The following GRIK2 variants were observed in gnomAD, a reference collection of about 807,000 sequenced individuals.
GRIK2 encodes glutamate receptor ionotropic, kainate 2.
In GRIK2, 32 loss-of-function variants were observed where a neutral mutation model predicts 100.3. The ratio of observed to expected loss-of-function variants is 0.32; its 90% confidence interval spans 0.24 to 0.43. GRIK2 has a LOEUF of 0.43. Among genes scored for constraint, GRIK2 ranks in the 20% least tolerant of loss-of-function variants. GRIK2 has a pLI of 1.00. For synonymous variants in GRIK2, 417 were observed against 389.4 expected (o/e 1.07, Z -0.83); for missense variants, 843 against 1,114.9 (o/e 0.76, Z 3.47).
chr6:101,853,393 C>T (rs372721028), intron 10 of GRIK2, among the ~76,000 whole-genome samples: 2 of 152,048 alleles, frequency 1.3e-5, no homozygotes, highest in Non-Finnish European at 2.9e-5. Flanking sequence ...GAGACATCAC[C>T]GTATACCCTC....
chr6:101,762,864 A>G (rs1051879127), intron 7 of GRIK2, among the ~76,000 whole-genome samples: 3 of 152,212 alleles, frequency 2.0e-5, no homozygotes, highest in African/African-American at 7.2e-5. Flanking sequence ...TCAAAGTATA[A>G]TATTTTCAGT....
At chr6:101,494,600 A>G (rs545036243) in intron 2 of GRIK2, among the ~76,000 whole-genome samples, 1 of 152,104 alleles carries the variant, frequency 6.6e-6, no homozygotes, top group African/African-American at 2.4e-5. Flanking sequence ...TAAATATTAT[A>G]CATCTTAATA....
chr6:101,701,451 A>G (rs1223849789), intron 7 of GRIK2, among the ~76,000 whole-genome samples: 1 of 152,068 alleles, frequency 6.6e-6, no homozygotes. Flanking sequence ...ACTCTTGCTA[A>G]TGTTGTCTAT....
At chr6:101,927,724 A>T (rs775546095) in intron 13 of GRIK2, 6 of 152,098 alleles carry the variant, frequency 3.9e-5, no homozygotes, top group South Asian at 2.1e-4. Context: ...TAAAAGATTT[A>T]TATATGTATA....
At chr6:101,525,544 G>GT (rs1156649388) in intron 2 of GRIK2, among the ~76,000 whole-genome samples, 1 of 152,170 alleles carries the variant, frequency 6.6e-6, no homozygotes. Context: ...TAGGATCTTA[G>GT]TTAACAATTC....
intron 7 of GRIK2, among the ~76,000 whole-genome samples, chr6:101,759,160 A>G (rs1426696230): frequency 6.6e-6 from 1 of 152,172 alleles, no homozygotes; most frequent in African/African-American, 2.4e-5. Context: ...GATTGATTCC[A>G]TTGGAGCTTT....
chr6:101,773,256 G>GGATC (rs1366122788), intron 7 of GRIK2, among the ~76,000 whole-genome samples: 1 of 152,038 alleles, frequency 6.6e-6, no homozygotes, highest in African/African-American at 2.4e-5. Context: ...CGAGGCGGGC[G>GGATC]GATCACGAGG....
intron 14 of GRIK2, among the ~76,000 whole-genome samples, chr6:101,987,820 A>C (rs915265697): frequency 6.6e-6 from 1 of 151,476 alleles, no homozygotes; most frequent in Admixed American, 6.6e-5. Context: ...CTCTGTTTCT[A>C]ACAGATTTAA....
rs953250765 is a variant in GRIK2 at position 101,733,828 on chromosome 6, C to T, written c.951+47475C>T. 5.6e-5 allele frequency among the ~76,000 whole-genome samples: 8 copies of T among 142,594 alleles called. No homozygotes were observed. The East Asian group carries it at 6.3e-4, about 11-fold the overall frequency. 93.5% of individuals were successfully genotyped at this position (142,594 alleles called of 152,430 possible). ...CAGCTAATTATCTAGTTTCATTGTTCGTAGTCCTTCCTTCCACAAGACACT... is the reference window on the plus strand; with the variant it reads ...CAGCTAATTATCTAGTTTCATTGTTTGTAGTCCTTCCTTCCACAAGACACT... On this transcript the variant is annotated intron_variant, in intron 7 of 16. Coordinates refer to ENST00000369134, the MANE Select transcript of GRIK2 (RefSeq NM_021956.5).
At chr6:101,820,917 A>AT (rs1376199079) in intron 10 of GRIK2, among the ~76,000 whole-genome samples, 1 of 152,106 alleles carries the variant, frequency 6.6e-6, no homozygotes, top group Non-Finnish European at 1.5e-5. Context: ...TGGCATTATC[A>AT]TTTTTTTAAT....
At chr6:101,895,982 G>GA (rs1787412667) in intron 12 of GRIK2, among the ~76,000 whole-genome samples, 1 of 151,708 alleles carries the variant, frequency 6.6e-6, no homozygotes, top group Non-Finnish European at 1.5e-5. Flanking sequence ...AAACATTGAT[G>GA]AAAATTAGAT....
Position 101,556,671 on chromosome 6 carries a change from A to G in GRIK2, c.116-65278A>G, listed in dbSNP as rs564762477. ...TGTTTTACACACAGCAGATTGTTTT[A>G]TCCTCATAACAAACCTGTGAGATTG... On this transcript the variant is annotated intron_variant, in intron 2 of 16. Transcript: ENST00000369134. Among the ~76,000 whole-genome samples, 213 of 152,252 alleles carry G rather than the reference A, an allele frequency of 1.4e-3. 1 individual carries two copies. Among genetic ancestry groups the G allele is most frequent in the African/African-American group, 4.6e-3 (193 of 41,548 alleles).
rs572268896 is a variant in GRIK2, at chr6:102,065,328, A to G, written c.2563-3019A>G. Among the ~76,000 whole-genome samples, 108 of 151,244 alleles carry G rather than the reference A, an allele frequency of 7.1e-4. 1 individual carries two copies. Among genetic ancestry groups the G allele is most frequent in the Non-Finnish European group, 3.0e-4 (20 of 67,468 alleles). On this transcript the variant is annotated intron_variant, in intron 16 of 16. Coordinates refer to ENST00000369134, the MANE Select transcript of GRIK2 (RefSeq NM_021956.5). ...GGGCTTTTTTCAATTTACATTATCT[A>G]TTACTCAGCAATATAAACTTAATAT...
At chr6:101,666,446 A>T (rs190258355) in intron 4 of GRIK2, among the ~76,000 whole-genome samples, 4 of 152,152 alleles carry the variant, frequency 2.6e-5, no homozygotes, top group Non-Finnish European at 4.4e-5. Context: ...GTAGTCTCCA[A>T]CCCCTCCAGA....
chr6:101,631,727 AT>A (rs894622410), intron 4 of GRIK2, among the ~76,000 whole-genome samples: 1 of 151,782 alleles, frequency 6.6e-6, no homozygotes, highest in East Asian at 1.9e-4. Context: ...CAAATCTTTT[AT>A]TTTTTTCCTA....
chr6:102,001,369 C>G (rs1044503712), intron 14 of GRIK2, among the ~76,000 whole-genome samples: 3 of 151,710 alleles, frequency 2.0e-5, no homozygotes, highest in Non-Finnish European at 2.9e-5. Flanking sequence ...TCCCCACCCC[C>G]CGACAGGCCC....
intron 4 of GRIK2, among the ~76,000 whole-genome samples, chr6:101,667,511 A>G (rs776996870): frequency 1.3e-5 from 2 of 152,176 alleles, no homozygotes; most frequent in Non-Finnish European, 2.9e-5. Context: ...AAAAAAATAC[A>G]GGATTTTAGT....
chr6:101,821,449 A>C (rs1490493611), intron 10 of GRIK2, among the ~76,000 whole-genome samples: 1 of 152,146 alleles, frequency 6.6e-6, no homozygotes, highest in Non-Finnish European at 1.5e-5. Context: ...CAGGTAACAC[A>C]AATCTATAAC....
intron 14 of GRIK2, among the ~76,000 whole-genome samples, chr6:101,986,413 T>C (rs1794018481): frequency 6.6e-6 from 1 of 151,840 alleles, no homozygotes; most frequent in Non-Finnish European, 1.5e-5. Context: ...ATTTTACTAG[T>C]TACTTTACCT....
Sources: gnomAD v4.1 joint callset for allele counts (sites outside exome capture counted in the v4.1 genomes callset) on GRCh38, gnomAD v4.1.1 for gene constraint, MANE v1.5 for transcripts, NCBI Gene and HGNC (gene_info 2026-07-23, HGNC 2026-07-21) for gene names.